The following QTGAL variants were observed in gnomAD, a reference collection of about 807,000 sequenced individuals.
QTGAL encodes the protein BGnT-like protein 1.
At chr17:83,004,790 C>A in the QTGAL span, among the ~76,000 whole-genome samples, 1 of 151,626 alleles carries the variant, frequency 6.6e-6, no homozygotes, top group African/African-American at 2.4e-5. Context: ...TTCCTGAGCT[C>A]GCCTTCCTGC....
chr17:83,006,631 C>T, the QTGAL span: 1 of 985,332 alleles, frequency 1.0e-6, no homozygotes, highest in African/African-American at 1.7e-5. This position sits in a 1 kb window ranked among gnomAD's most constrained non-coding sequence, Gnocchi z 5.8. Flanking sequence ...GACGCCGTGG[C>T]TGTGCTATCC....
the QTGAL span, among the ~76,000 whole-genome samples, chr17:83,048,185 C>T: frequency 4.6e-5 from 7 of 152,142 alleles, no homozygotes; most frequent in Non-Finnish European, 7.3e-5. Flanking sequence ...TGCCACTACG[C>T]CCGGCTAATT....
At chr17:83,000,366 C>T in the QTGAL span, among the ~76,000 whole-genome samples, 5 of 152,330 alleles carry the variant, frequency 3.3e-5, no homozygotes, top group East Asian at 9.7e-4. Context: ...AGCACCTGAG[C>T]TCGCGGCTGT....
chr17:82,946,327 A>G, the QTGAL span, among the ~76,000 whole-genome samples: 1 of 152,260 alleles, frequency 6.6e-6, no homozygotes, highest in Non-Finnish European at 1.5e-5. Context: ...AAAGGAAGGC[A>G]AATAGTGTTA....
At chr17:83,045,073 A>G in the QTGAL span, among the ~76,000 whole-genome samples, 1 of 152,264 alleles carries the variant, frequency 6.6e-6, no homozygotes, top group East Asian at 1.9e-4. Flanking sequence ...AAGCTAATAA[A>G]CTATTAGAGC....
At chr17:83,012,896 C>CCCT in the QTGAL span, among the ~76,000 whole-genome samples, 2 of 151,940 alleles carry the variant, frequency 1.3e-5, no homozygotes, top group African/African-American at 4.8e-5. Flanking sequence ...TAGAAATCAC[C>CCCT]CCTAATCCCT....
chr17:83,016,632 G>GAGAAGGGA, the QTGAL span, among the ~76,000 whole-genome samples: 2 of 138,502 alleles, frequency 1.4e-5, no homozygotes, highest in Non-Finnish European at 3.1e-5. Context: ...AGGGAGGAGG[G>GAGAAGGGA]ACAGAAGAAG....
chr17:83,009,915 GA>G, the QTGAL span, among the ~76,000 whole-genome samples: 2 of 143,774 alleles, frequency 1.4e-5, no homozygotes, highest in South Asian at 2.4e-4. Context: ...GCCTTGGAGT[GA>G]ACGACTTGCC....
the QTGAL span, among the ~76,000 whole-genome samples, chr17:82,951,267 T>C: frequency 3.3e-5 from 5 of 152,206 alleles, no homozygotes; most frequent in Middle Eastern, 3.2e-3. Context: ...GCCACCTCCA[T>C]TGTGACCGTA....
the QTGAL span, among the ~76,000 whole-genome samples, chr17:83,041,873 T>C: frequency 2.0e-5 from 3 of 152,188 alleles, no homozygotes; most frequent in African/African-American, 7.2e-5. Flanking sequence ...AAGTCATCTT[T>C]CAAAAATGAA....
the QTGAL span, among the ~76,000 whole-genome samples, chr17:82,999,076 T>C: frequency 6.6e-6 from 1 of 152,190 alleles, no homozygotes; most frequent in Non-Finnish European, 1.5e-5. Flanking sequence ...ACTTTGGCAG[T>C]TTCTTTAAAA....
chr17:83,008,692 G>T, the QTGAL span, among the ~76,000 whole-genome samples: 3 of 152,206 alleles, frequency 2.0e-5, no homozygotes, highest in African/African-American at 7.2e-5. Context: ...CTGGACACTT[G>T]TTCTTGCAGC....
chr17:83,008,902 C>A, the QTGAL span, among the ~76,000 whole-genome samples: 7 of 152,318 alleles, frequency 4.6e-5, no homozygotes, highest in African/African-American at 1.7e-4. Flanking sequence ...CCCAGCCCGG[C>A]AGTCCAGAGG....
the QTGAL span, among the ~76,000 whole-genome samples, chr17:83,000,622 A>T: frequency 1.3e-5 from 2 of 152,334 alleles, no homozygotes; most frequent in East Asian, 3.9e-4. Flanking sequence ...TATATATTTT[A>T]TGTACTCATG....
At chr17:83,011,365 C>T in the QTGAL span, 4 of 152,224 alleles carry the variant, frequency 2.6e-5, no homozygotes, top group Non-Finnish European at 4.4e-5. Flanking sequence ...TGAAAGCCGC[C>T]ATCAAAGGTC....
At chr17:82,961,120 C>T in the QTGAL span, 23 of 1,608,510 alleles carry the variant, frequency 1.4e-5, no homozygotes, top group African/African-American at 1.2e-4. Context: ...CTGGTCCACG[C>T]GGATGACGCC....
chr17:83,002,441 T>C, the QTGAL span, among the ~76,000 whole-genome samples: 1 of 152,204 alleles, frequency 6.6e-6, no homozygotes, highest in African/African-American at 2.4e-5. Flanking sequence ...CCGTTTTAAG[T>C]ATTTTCACAA....
chr17:82,983,012 G>A, the QTGAL span, among the ~76,000 whole-genome samples: 6 of 152,216 alleles, frequency 3.9e-5, no homozygotes, highest in African/African-American at 1.4e-4. Flanking sequence ...TGGGCGCAGT[G>A]GCTCACACCT....
At chr17:83,027,171 A>G in the QTGAL span, among the ~76,000 whole-genome samples, 1 of 151,960 alleles carries the variant, frequency 6.6e-6, no homozygotes, top group Non-Finnish European at 1.5e-5. Context: ...GAGCCTGCAG[A>G]CAAACCCACC....
Sources: allele counts gnomAD v4.1 joint callset (sites outside exome capture counted in the v4.1 genomes callset), GRCh38; gene constraint gnomAD v4.1.1; non-coding constraint Gnocchi (gnomAD v3.1); transcripts MANE v1.5; gene names NCBI Gene and HGNC (gene_info 2026-07-23, HGNC 2026-07-21).